The following NMBR variants were observed in gnomAD, a reference collection of about 807,000 sequenced individuals.
NMBR encodes neuromedin-B receptor.
Under a neutral mutation model 20.5 loss-of-function variants are expected in NMBR, and 16 were observed. That is an observed-to-expected ratio of 0.78 (90% CI 0.53 to 1.19). NMBR has a LOEUF of 1.19. NMBR is among the 50% of genes most tolerant of loss of function. The probability of loss-of-function intolerance (pLI) is 0.00; values close to 1 mark genes in which losing one functional copy is unlikely to be tolerated. For missense variants in NMBR, 582 were observed against 499.1 expected, an observed-to-expected ratio of 1.17 and a Z score of -1.58; for synonymous variants, 212 against 196.6, an observed-to-expected ratio of 1.08 and a Z score of -0.65.
chr6:142,143,273 T>G (rs934081749), intron 1 of NMBR, among the ~76,000 whole-genome samples: 1 of 152,134 alleles, frequency 6.6e-6, no homozygotes, highest in Non-Finnish European at 1.5e-5. Flanking sequence ...ATTAAAGACT[T>G]TTTAATTTTA....
intron 1 of NMBR, chr6:142,134,795 C>A (rs544237669): frequency 1.2e-4 from 84 of 683,934 alleles, no homozygotes; most frequent in African/African-American, 1.2e-3. Flanking sequence ...TGCATGGTTC[C>A]AGAACACTTT....
intron 1 of NMBR, among the ~76,000 whole-genome samples, chr6:142,114,242 G>A (rs905560693): frequency 3.3e-5 from 5 of 152,246 alleles, no homozygotes; most frequent in African/African-American, 9.6e-5. Flanking sequence ...CAATCTCCAT[G>A]GGTCAAGGCT....
At chr6:142,101,701 C>T (rs1310456562) in intron 1 of NMBR, among the ~76,000 whole-genome samples, 1 of 152,024 alleles carries the variant, frequency 6.6e-6, no homozygotes, top group Non-Finnish European at 1.5e-5. Flanking sequence ...GAGCTCAATC[C>T]AAAACAATGG....
chr6:142,126,372 G>A (rs1364759813), intron 1 of NMBR, among the ~76,000 whole-genome samples: 1 of 151,728 alleles, frequency 6.6e-6, no homozygotes, highest in Admixed American at 6.6e-5. Context: ...AGTGAACACT[G>A]GGGTGCAGAT....
At chr6:142,095,134 T>A (rs1339635277) in intron 1 of NMBR, among the ~76,000 whole-genome samples, 1 of 152,070 alleles carries the variant, frequency 6.6e-6, no homozygotes, top group Non-Finnish European at 1.5e-5. Flanking sequence ...CCTAATTGAA[T>A]ACCCTTTATT....
intron 1 of NMBR, among the ~76,000 whole-genome samples, chr6:142,141,349 A>C (rs1778358252): frequency 6.6e-6 from 1 of 152,250 alleles, no homozygotes; most frequent in South Asian, 2.1e-4. Context: ...CTGGGAAATT[A>C]AAAACTACTT....
chr6:142,109,411 G>A (rs368180129), intron 1 of NMBR, among the ~76,000 whole-genome samples: 1 of 151,292 alleles, frequency 6.6e-6, no homozygotes, highest in African/African-American at 2.4e-5. Flanking sequence ...GTATTCATTG[G>A]AAAGAGAAAG....
intron 1 of NMBR, among the ~76,000 whole-genome samples, chr6:142,101,754 T>C (rs1777569590): frequency 6.6e-6 from 1 of 152,134 alleles, no homozygotes; most frequent in African/African-American, 2.4e-5. Context: ...TTGGTCACGT[T>C]CTCACTTAGA....
At chr6:142,145,607 T>C (rs1365383066) in intron 1 of NMBR, among the ~76,000 whole-genome samples, 1 of 150,622 alleles carries the variant, frequency 6.6e-6, no homozygotes, top group Non-Finnish European at 1.5e-5. Flanking sequence ...TAGCTAGTTA[T>C]TATTACTTTA....
chr6:142,075,107 T>TAC lies in NMBR; in HGVS notation c.*540_*541insGT, dbSNP rs538192248. The stretch of plus-strand genomic sequence containing the variant: ...GTACATATATACATATACATATATA[T>TAC]ATACACACACACACACACTCATGCA... On this transcript the variant is annotated 3_prime_UTR_variant, in exon 4 of 4. Transcript: ENST00000258042. 3.0e-3 allele frequency among the ~76,000 whole-genome samples: 358 copies of TAC among 117,534 alleles called. 2 individuals carry two copies. The highest frequency in any genetic ancestry group is 0.011 in the African/African-American group (304 of 27,538). 77.1% of individuals were successfully genotyped at this position (117,534 alleles called of 152,430 possible). A position where few individuals can be genotyped will look rare whatever the true frequency, so the allele number is the denominator to read the frequency against.
At position 142,088,721 on chromosome 6, in the gene NMBR, G is replaced by C; in HGVS notation, c.-63C>G. The C allele has an allele frequency of 6.9e-7, 1 of 1,442,896 alleles. No individual in the cohort carries two copies. The highest frequency in any genetic ancestry group is 9.4e-7 in the Non-Finnish European group (1 of 1,066,840). 89.4% of individuals were successfully genotyped at this position (1,442,896 alleles called of 1,614,324 possible). ...CGCTCCGGTGCCCTGAGGACTGAAC[G>C]CCCACGATTTAGGTTTAATCGATGT... On this transcript the variant is annotated 5_prime_UTR_variant, in exon 2 of 4. Transcript: ENST00000258042.
intron 1 of NMBR, among the ~76,000 whole-genome samples, chr6:142,091,362 C>G (rs193122080): frequency 1.3e-5 from 2 of 152,014 alleles, no homozygotes; most frequent in Admixed American, 6.6e-5. Flanking sequence ...TAGCTGGGAC[C>G]GCAAGTGTGC....
rs1777326209 is a variant in NMBR at position 142,091,663 on chromosome 6, A to G, written c.-663-2342T>C. Among the ~76,000 whole-genome samples the G allele has an allele frequency of 4.6e-5, 7 of 152,326 alleles. No individual in the cohort carries two copies. In the South Asian group the frequency reaches 1.4e-3, roughly 32 times the overall value. ...TTCACAGAGACAAGATAAATTGTCT[A>G]ATTTGAAAGAGACCTCATGAAACTG... On this transcript the variant is annotated intron_variant, in intron 1 of 3. Coordinates refer to ENST00000258042, the MANE Select transcript of NMBR (RefSeq NM_002511.4).
intron 1 of NMBR, among the ~76,000 whole-genome samples, chr6:142,110,787 C>T (rs1265028186): frequency 6.6e-6 from 1 of 152,140 alleles, no homozygotes. Flanking sequence ...GGAGGAGGAC[C>T]TGCCCAGATC....
chr6:142,144,837 A>G (rs1778405480), intron 1 of NMBR, among the ~76,000 whole-genome samples: 1 of 151,914 alleles, frequency 6.6e-6, no homozygotes, highest in Non-Finnish European at 1.5e-5. Context: ...ATCACTTGAG[A>G]CTAAGAGTTC....
At chr6:142,082,813 ATTC>A (rs1777125553) in intron 2 of NMBR, among the ~76,000 whole-genome samples, 1 of 152,218 alleles carries the variant, frequency 6.6e-6, no homozygotes, top group Non-Finnish European at 1.5e-5. Flanking sequence ...GGAAGACATC[ATTC>A]TTCTTTTGCA....
chr6:142,125,403 C>T (rs570176101), intron 1 of NMBR, among the ~76,000 whole-genome samples: 2 of 79,328 alleles, frequency 2.5e-5, no homozygotes, highest in East Asian at 5.0e-4. Context: ...AGCAAATTAT[C>T]AGCAGCATAC....
chr6:142,138,128 C>A (rs530002718), intron 1 of NMBR, among the ~76,000 whole-genome samples: 2 of 152,160 alleles, frequency 1.3e-5, no homozygotes, highest in African/African-American at 4.8e-5. Flanking sequence ...TAGTGTATTT[C>A]TTTTTATCTG....
At chr6:142,078,187 G>C (rs1158194988) in intron 3 of NMBR, among the ~76,000 whole-genome samples, 3 of 152,164 alleles carry the variant, frequency 2.0e-5, no homozygotes, top group Non-Finnish European at 4.4e-5. Flanking sequence ...ATCCTTAGTG[G>C]GTTAATGGGA....
Sources: allele counts gnomAD v4.1 joint callset (sites outside exome capture counted in the v4.1 genomes callset), GRCh38; gene constraint gnomAD v4.1.1; transcripts MANE v1.5; gene names NCBI Gene and HGNC (gene_info 2026-07-23, HGNC 2026-07-21).